The following NEMP2 variants were observed in gnomAD, a reference collection of about 807,000 sequenced individuals.
NEMP2 encodes the protein UPF0571 transmembrane protein.
Under a neutral mutation model 54.2 loss-of-function variants are expected in NEMP2, and 53 were observed. The observed-to-expected ratio is 0.98, with a 90% CI of 0.78 to 1.23. The LOEUF is 1.23. Among genes scored for constraint, NEMP2 ranks in the 50% most tolerant of loss-of-function variants. The probability of loss-of-function intolerance (pLI) is 0.00; values close to 1 mark genes in which losing one functional copy is unlikely to be tolerated. For missense variants in NEMP2, 455 were observed against 511.3 expected (o/e 0.89, Z 1.06); for synonymous variants, 197 against 190.3 (o/e 1.04, Z -0.29).
chr2:190,528,280 A>T lies in NEMP2; in HGVS notation c.98-2902T>A, dbSNP rs527427840. ...AACCTGGAAGATCCTGAGCAACTGCAATGAGAAGACATGAGAACACATTAA... is the reference window on the plus strand; with the variant it reads ...AACCTGGAAGATCCTGAGCAACTGCTATGAGAAGACATGAGAACACATTAA... On this transcript the variant is annotated intron_variant, in intron 1 of 8. Coordinates refer to ENST00000409150, the MANE Select transcript of NEMP2 (RefSeq NM_001142645.2). This position sits in a 1 kb window ranked among gnomAD's most constrained non-coding sequence, Gnocchi z 4.3. 6.6e-6 allele frequency among the ~76,000 whole-genome samples: 1 copy of T among 152,348 alleles called. No individual in the cohort carries two copies. Among genetic ancestry groups the T allele is most frequent in the Non-Finnish European group, 1.5e-5 (1 of 68,024 alleles).
chr2:190,589,267 CT>C, the NEMP2 span, among the ~76,000 whole-genome samples: 1 of 152,080 alleles, frequency 6.6e-6, no homozygotes, highest in Non-Finnish European at 1.5e-5. This position sits in a 1 kb window ranked among gnomAD's most constrained non-coding sequence, Gnocchi z 4.3. Flanking sequence ...AGGAATGCCC[CT>C]TTTGAAAAAG....
At chr2:190,545,433 T>G in the NEMP2 span, among the ~76,000 whole-genome samples, 5 of 152,374 alleles carry the variant, frequency 3.3e-5, no homozygotes, top group African/African-American at 1.2e-4. Flanking sequence ...TCAAAGTTTA[T>G]TTTCTTTCAA....
the NEMP2 span, among the ~76,000 whole-genome samples, chr2:190,605,702 T>C: frequency 1.3e-5 from 2 of 152,190 alleles, no homozygotes; most frequent in African/African-American, 4.8e-5. Context: ...GTCTATGCTT[T>C]TGCAGCTGCT....
chr2:190,534,759 G>A, upstream of NEMP2: 1 of 868,442 alleles, frequency 1.2e-6, no homozygotes, highest in South Asian at 5.3e-5. Flanking sequence ...GGGGCGGTGA[G>A]GCCCGAACGC....
rs1434844929 is a variant in NEMP2, at chr2:190,523,677, G to A, written c.213+1586C>T. The stretch of plus-strand genomic sequence containing the variant: ...CACGCCTAGAACATCTTGTTTGTTA[G>A]AAAGTAAAGTAGTGCTCAAAAATGC... On this transcript the variant is annotated intron_variant, in intron 2 of 8. Coordinates refer to ENST00000409150, the MANE Select transcript of NEMP2 (RefSeq NM_001142645.2). The surrounding 1 kb of genome is among the most constrained non-coding windows in gnomAD (Gnocchi z 5.3). 6.6e-6 allele frequency among the ~76,000 whole-genome samples: 1 copy of A among 152,212 alleles called. No homozygotes were observed. Among genetic ancestry groups the A allele is most frequent in the Non-Finnish European group, 1.5e-5 (1 of 68,040 alleles).
chr2:190,477,179 A>C, the NEMP2 span: 31 of 856,486 alleles, frequency 3.6e-5, no homozygotes, highest in Non-Finnish European at 3.9e-5. Context: ...CGTTGTGCAC[A>C]TGTACCCTAA....
Position 190,510,647 on chromosome 2 carries a change from CTGGG to C in NEMP2, c.954-114_954-111del. ...CCTGTAATCCAGCATTTTGGGAGGC[CTGGG>C]GAGGCGGATCACGAGGTCAGGAGAT... On this transcript the variant is annotated intron_variant, in intron 7 of 8. Coordinates refer to ENST00000409150, the MANE Select transcript of NEMP2 (RefSeq NM_001142645.2). The surrounding 1 kb of genome is among the most constrained non-coding windows in gnomAD (Gnocchi z 5.7). 9.0e-7 allele frequency: 1 copy of C among 1,108,280 alleles called. No homozygotes were observed. The highest frequency in any genetic ancestry group is 1.3e-6 in the Non-Finnish European group (1 of 766,702). The allele number at this position is 1,108,280 out of a possible 1,614,324, so 68.7% of individuals were successfully genotyped here. A position where few individuals can be genotyped will look rare whatever the true frequency, so the allele number is the denominator to read the frequency against.
the NEMP2 span, among the ~76,000 whole-genome samples, chr2:190,428,249 T>TTG: frequency 6.6e-6 from 1 of 152,232 alleles, no homozygotes; most frequent in Non-Finnish European, 1.5e-5. Flanking sequence ...GTATCTGCTG[T>TTG]AGACAGGTTG....
At chr2:190,469,305 G>A in the NEMP2 span, among the ~76,000 whole-genome samples, 1 of 151,896 alleles carries the variant, frequency 6.6e-6, no homozygotes, top group African/African-American at 2.4e-5. The surrounding 1 kb of genome is among the most constrained non-coding windows in gnomAD (Gnocchi z 5.3). Context: ...GGCCACATTC[G>A]TGTTTACATA....
the NEMP2 span, among the ~76,000 whole-genome samples, chr2:190,615,885 G>A: frequency 6.6e-6 from 1 of 152,152 alleles, no homozygotes; most frequent in Non-Finnish European, 1.5e-5. The surrounding 1 kb of genome is among the most constrained non-coding windows in gnomAD (Gnocchi z 4.7). Flanking sequence ...TTGGTCTCCT[G>A]GTGCTGGGCT....
the NEMP2 span, chr2:190,641,502 T>G: frequency 1.3e-5 from 2 of 152,118 alleles, no homozygotes; most frequent in Admixed American, 1.3e-4. Context: ...GCTGGGAGAG[T>G]GGGCACAGAC....
chr2:190,494,018 C>T, the NEMP2 span, among the ~76,000 whole-genome samples: 1 of 150,594 alleles, frequency 6.6e-6, no homozygotes, highest in Non-Finnish European at 1.5e-5. The surrounding 1 kb of genome is among the most constrained non-coding windows in gnomAD (Gnocchi z 5.7). Context: ...GAGAGAATAA[C>T]TAAATGAAAT....
At chr2:190,443,458 T>C in the NEMP2 span, among the ~76,000 whole-genome samples, 1 of 152,246 alleles carries the variant, frequency 6.6e-6, no homozygotes, top group Non-Finnish European at 1.5e-5. This position sits in a 1 kb window ranked among gnomAD's most constrained non-coding sequence, Gnocchi z 4.2. Flanking sequence ...ACTTTTTTTC[T>C]GTCAGTCTGA....
the NEMP2 span, among the ~76,000 whole-genome samples, chr2:190,583,077 G>A: frequency 6.6e-6 from 1 of 152,172 alleles, no homozygotes; most frequent in Admixed American, 6.6e-5. Flanking sequence ...TGAAGTCAGA[G>A]ATGTTGAAAT....
chr2:190,595,722 T>C, the NEMP2 span, among the ~76,000 whole-genome samples: 9 of 152,106 alleles, frequency 5.9e-5, no homozygotes, highest in Admixed American at 5.9e-4. The surrounding 1 kb of genome is among the most constrained non-coding windows in gnomAD (Gnocchi z 4.0). Context: ...CCAGTTAGAA[T>C]GGTGATCATT....
At chr2:190,572,833 G>A in the NEMP2 span, among the ~76,000 whole-genome samples, 1 of 47,862 alleles carries the variant, frequency 2.1e-5, no homozygotes, top group Non-Finnish European at 3.7e-5. Context: ...CTTTTCATGA[G>A]TATATATATA....
At chr2:190,588,431 G>A in the NEMP2 span, among the ~76,000 whole-genome samples, 1 of 152,288 alleles carries the variant, frequency 6.6e-6, no homozygotes, top group African/African-American at 2.4e-5. This position sits in a 1 kb window ranked among gnomAD's most constrained non-coding sequence, Gnocchi z 5.0. Context: ...CTGTCCTCAA[G>A]GGGAATGAAA....
At chr2:190,607,595 G>A in the NEMP2 span, 2 of 151,986 alleles carry the variant, frequency 1.3e-5, no homozygotes, top group African/African-American at 4.8e-5. The surrounding 1 kb of genome is among the most constrained non-coding windows in gnomAD (Gnocchi z 5.2). Context: ...CTTTAGCATG[G>A]GCAGGAAACC....
chr2:190,575,978 CTT>C, the NEMP2 span, among the ~76,000 whole-genome samples: 15 of 143,728 alleles, frequency 1.0e-4, no homozygotes, highest in Admixed American at 3.5e-4. Flanking sequence ...TTCTGGTTTA[CTT>C]TTTTTTTTTT....
Sources: allele counts gnomAD v4.1 joint callset (sites outside exome capture counted in the v4.1 genomes callset), GRCh38; gene constraint gnomAD v4.1.1; non-coding constraint Gnocchi (gnomAD v3.1); transcripts MANE v1.5; gene names NCBI Gene and HGNC (gene_info 2026-07-23, HGNC 2026-07-21).